The following CHLSN variants were observed in gnomAD, a reference collection of about 807,000 sequenced individuals.
CHLSN encodes protein cholesin.
At chr7:1,131,322 T>C in the CHLSN span, among the ~76,000 whole-genome samples, 1 of 151,228 alleles carries the variant, frequency 6.6e-6, no homozygotes, top group Admixed American at 6.6e-5. Context: ...GTGGTCTAAA[T>C]ACCCCTCGCT....
At chr7:1,059,719 GGGGCGGGTCT>G in the CHLSN span, among the ~76,000 whole-genome samples, 5 of 44,756 alleles carry the variant, frequency 1.1e-4, no homozygotes, top group Non-Finnish European at 2.0e-4. Context: ...GGGTCTTAGC[GGGGCGGGTCT>G]TAGGGGGGCG....
the CHLSN span, among the ~76,000 whole-genome samples, chr7:1,135,791 A>G: frequency 1.4e-5 from 1 of 71,192 alleles, no homozygotes; most frequent in Non-Finnish European, 2.6e-5. Context: ...ATATATATAT[A>G]TACACAATTT....
chr7:1,006,192 G>A, the CHLSN span, among the ~76,000 whole-genome samples: 9 of 152,278 alleles, frequency 5.9e-5, no homozygotes, highest in East Asian at 9.7e-4. Flanking sequence ...CCAAACTTCC[G>A]CCTATGCAAG....
chr7:1,021,597 G>T, the CHLSN span: 1 of 982,424 alleles, frequency 1.0e-6, no homozygotes. Context: ...CCATGCTGTT[G>T]GATGGGAGAG....
the CHLSN span, among the ~76,000 whole-genome samples, chr7:1,022,542 G>A: frequency 1.3e-5 from 2 of 152,182 alleles, no homozygotes; most frequent in Non-Finnish European, 2.9e-5. Context: ...GAGGGAACAC[G>A]GGACGCCCAC....
chr7:1,017,414 C>G, the CHLSN span, among the ~76,000 whole-genome samples: 1 of 152,182 alleles, frequency 6.6e-6, no homozygotes, highest in African/African-American at 2.4e-5. Flanking sequence ...TGGCCTGGAC[C>G]CCGTCCAGTA....
At chr7:1,127,736 T>C in the CHLSN span, among the ~76,000 whole-genome samples, 1 of 66,142 alleles carries the variant, frequency 1.5e-5, no homozygotes, top group Non-Finnish European at 2.7e-5. Flanking sequence ...CGGGCTGGAG[T>C]GCAGTGGCGC....
chr7:1,001,535 G>A, the CHLSN span, among the ~76,000 whole-genome samples: 4 of 142,834 alleles, frequency 2.8e-5, no homozygotes, highest in Admixed American at 6.8e-5. Flanking sequence ...TCCTGTGGGT[G>A]GGGAGTCCTG....
the CHLSN span, among the ~76,000 whole-genome samples, chr7:1,084,907 G>A: frequency 1.3e-5 from 2 of 152,250 alleles, no homozygotes; most frequent in South Asian, 2.1e-4. Flanking sequence ...ACCATGGAGG[G>A]CATGGGAGAG....
chr7:1,047,737 T>A, the CHLSN span, among the ~76,000 whole-genome samples: 2 of 152,214 alleles, frequency 1.3e-5, no homozygotes, highest in Non-Finnish European at 2.9e-5. Flanking sequence ...GCCTGGGGCC[T>A]CGCAGTTCTC....
the CHLSN span, chr7:1,058,440 C>T: frequency 5.5e-5 from 43 of 780,604 alleles, no homozygotes; most frequent in Admixed American, 1.2e-4. Flanking sequence ...CAAGCTCCAA[C>T]GGCTGATGAA....
At chr7:1,121,311 T>C in the CHLSN span, among the ~76,000 whole-genome samples, 2 of 151,962 alleles carry the variant, frequency 1.3e-5, no homozygotes, top group Admixed American at 1.3e-4. Context: ...GGAATTCTAC[T>C]AAGAAAAACA....
chr7:1,010,350 G>T, the CHLSN span, among the ~76,000 whole-genome samples: 1 of 152,220 alleles, frequency 6.6e-6, no homozygotes, highest in African/African-American at 2.4e-5. Flanking sequence ...GGCCAGTCCT[G>T]CGGGCAGGCG....
At chr7:1,092,798 A>T in the CHLSN span, 1 of 1,613,536 alleles carries the variant, frequency 6.2e-7, no homozygotes, top group East Asian at 2.2e-5. Flanking sequence ...GCTGCCCTGA[A>T]GGCCGTCATT....
the CHLSN span, among the ~76,000 whole-genome samples, chr7:994,381 G>C: frequency 3.3e-5 from 5 of 151,724 alleles, no homozygotes; most frequent in East Asian, 5.8e-4. Flanking sequence ...GGCTGGTCTC[G>C]AACTCCTGAC....
At chr7:1,039,428 GC>G in the CHLSN span, among the ~76,000 whole-genome samples, 2 of 63,214 alleles carry the variant, frequency 3.2e-5, no homozygotes, top group Non-Finnish European at 6.5e-5. Flanking sequence ...GGGGGGGTCA[GC>G]CCCCCCGCCC....
chr7:1,109,805 C>T, the CHLSN span, among the ~76,000 whole-genome samples: 48 of 152,308 alleles, frequency 3.2e-4, no homozygotes, highest in Non-Finnish European at 1.5e-5. Context: ...TCCCACGTGC[C>T]TCTGCGTCTC....
the CHLSN span, among the ~76,000 whole-genome samples, chr7:1,051,497 CT>C: frequency 4.6e-5 from 7 of 152,344 alleles, no homozygotes; most frequent in East Asian, 1.3e-3. Flanking sequence ...TTCCGCTGGG[CT>C]TTCTAAGCCC....
chr7:1,060,405 G>C, the CHLSN span, among the ~76,000 whole-genome samples: 1 of 152,150 alleles, frequency 6.6e-6, no homozygotes, highest in Admixed American at 6.5e-5. Flanking sequence ...GAGCTGCCCT[G>C]AGCGCCCCGG....
Sources: allele counts gnomAD v4.1 joint callset (sites outside exome capture counted in the v4.1 genomes callset), GRCh38; gene constraint gnomAD v4.1.1; transcripts MANE v1.5; gene names NCBI Gene and HGNC (gene_info 2026-07-23, HGNC 2026-07-21).